Variants in ODAD2 observed in about 807,000 individuals in gnomAD.
ODAD2 encodes outer dynein arm-docking complex subunit 2.
In ODAD2, 89 loss-of-function variants were observed where a neutral mutation model predicts 106.8. The ratio of observed to expected loss-of-function variants is 0.83; its 90% CI spans 0.70 to 0.99. The LOEUF (loss-of-function observed/expected upper bound fraction) is 0.99. ODAD2 is among the 50% of genes least tolerant of loss of function. The pLI is 0.00. For missense variants in ODAD2, 1,168 were observed against 1,238.5 expected (o/e 0.94, Z 0.85); for synonymous variants, 404 against 436.2 (o/e 0.93, Z 0.92).
chr10:27,917,466 G>T (rs1049134133), intron 16 of ODAD2, among the ~76,000 whole-genome samples: 4 of 151,712 alleles, frequency 2.6e-5, no homozygotes, highest in African/African-American at 9.7e-5. Flanking sequence ...TAAGAAGCTA[G>T]AAAAAGAAGC....
chr10:27,969,574 G>A (rs7921313), intron 8 of ODAD2, among the ~76,000 whole-genome samples: 11,891 of 151,814 alleles, frequency 0.078, 201 homozygotes, highest in Admixed American at 0.12. Flanking sequence ...AGCCACAAAA[G>A]TCAAACACCC....
chr10:27,822,646 T>G (rs1836702778), intron 19 of ODAD2, among the ~76,000 whole-genome samples: 1 of 152,210 alleles, frequency 6.6e-6, no homozygotes, highest in African/African-American at 2.4e-5. Flanking sequence ...GCCTCGGTAA[T>G]TCATTTCACA....
chr10:27,941,076 T>G (rs755427212), intron 12 of ODAD2, among the ~76,000 whole-genome samples: 2 of 152,108 alleles, frequency 1.3e-5, no homozygotes, highest in Non-Finnish European at 2.9e-5. Context: ...GGCTCTAATA[T>G]TTACATCAAT....
intron 17 of ODAD2, among the ~76,000 whole-genome samples, chr10:27,891,390 T>G (rs1019725500): frequency 4.0e-5 from 6 of 151,310 alleles, no homozygotes; most frequent in African/African-American, 1.5e-4. Flanking sequence ...TTTTTTTTTT[T>G]CCTTCAAGAT....
chr10:27,933,517 G>C (rs1290480562), intron 16 of ODAD2, among the ~76,000 whole-genome samples: 1 of 152,156 alleles, frequency 6.6e-6, no homozygotes, highest in Non-Finnish European at 1.5e-5. Context: ...GCGGAGACTA[G>C]AGGTGATGCC....
chr10:27,934,587 T>C (rs927219741), intron 16 of ODAD2, among the ~76,000 whole-genome samples: 1 of 152,068 alleles, frequency 6.6e-6, no homozygotes, highest in African/African-American at 2.4e-5. Context: ...TTCTTGTCTC[T>C]TCCCCTCATC....
intron 9 of ODAD2, among the ~76,000 whole-genome samples, chr10:27,964,274 G>C (rs1358969498): frequency 2.6e-5 from 4 of 152,182 alleles, no homozygotes; most frequent in African/African-American, 9.7e-5. Context: ...AAGTGGCTGT[G>C]CTAAAACACA....
intron 16 of ODAD2, among the ~76,000 whole-genome samples, chr10:27,927,304 T>C (rs188608299): frequency 8.3e-4 from 126 of 152,250 alleles, no homozygotes; most frequent in African/African-American, 2.8e-3. Context: ...GTTTTTACCA[T>C]AGCCACAGCC....
At chr10:27,993,262 C>T (rs1226055962) in intron 2 of ODAD2, among the ~76,000 whole-genome samples, 1 of 152,120 alleles carries the variant, frequency 6.6e-6, no homozygotes, top group African/African-American at 2.4e-5. Flanking sequence ...GATCATATTT[C>T]AAAGCTTAGG....
In ODAD2 at chr10:27,885,696, A is replaced by ATATAT. The variant is rs1554800276; in HGVS notation, c.2610+21962_2610+21966dup. ...AAATATATATAATATATAATATATAATATATATAAAATATATATTATATAT... is the reference window on the plus strand; with the variant it reads ...AAATATATATAATATATAATATATAATATATTATATATAAAATATATATTATATAT... On this transcript the variant is annotated intron_variant, in intron 17 of 19. Transcript: ENST00000305242. 1.8e-4 allele frequency among the ~76,000 whole-genome samples: 8 copies of ATATAT among 44,478 alleles called. 1 individual carries two copies. The highest frequency in any genetic ancestry group is 8.9e-4 in the Admixed American group (2 of 2,250). The allele number at this position is 44,478 out of a possible 152,430, so 29.2% of individuals were successfully genotyped here.
Position 27,968,973 on chromosome 10 carries a change from T to C in ODAD2, c.1188A>G (p.Lys396=). 1 of 662,610 alleles carries C rather than the reference T, an allele frequency of 1.5e-6. No homozygotes were observed. The highest frequency in any genetic ancestry group is 2.8e-5 in the Admixed American group (1 of 36,162). The allele number at this position is 662,610 out of a possible 1,614,324, so 41.0% of individuals were successfully genotyped here. A position where few individuals can be genotyped will look rare whatever the true frequency, so the allele number is the denominator to read the frequency against. ...KEIQEDKHTG[K]LEKPRPSVSH... ...AAACAGATGGTCTTGGTTTTTCAAG[T>C]TTTCCTGTGTGTTTGTCCTCTTGGA... Residue 396 remains lysine (K), a synonymous_variant, in exon 9 of 20, where the codon AAA becomes AAG. Coordinates refer to ENST00000305242, the MANE Select transcript of ODAD2 (RefSeq NM_018076.5).
intron 17 of ODAD2, among the ~76,000 whole-genome samples, chr10:27,864,409 GA>G (rs998440262): frequency 8.6e-5 from 12 of 140,056 alleles, no homozygotes; most frequent in Middle Eastern, 3.6e-3. Flanking sequence ...TTGGAGCTTA[GA>G]AAAAAAAAAC....
At chr10:27,993,137 A>T (rs1296694935) in intron 2 of ODAD2, among the ~76,000 whole-genome samples, 1 of 150,876 alleles carries the variant, frequency 6.6e-6, no homozygotes, top group Non-Finnish European at 1.5e-5. Context: ...CTGGTCTTGA[A>T]CTCCTGATCT....
chr10:27,951,271 T>C lies in ODAD2; in HGVS notation c.1387-6309A>G, dbSNP rs1847308663. Among the ~76,000 whole-genome samples the C allele has an allele frequency of 2.0e-5, 3 of 152,318 alleles. No individual in the cohort carries two copies. The South Asian group carries it at 6.2e-4, about 32-fold the overall frequency. On this transcript the variant is annotated intron_variant, in intron 10 of 19. Coordinates refer to ENST00000305242, the MANE Select transcript of ODAD2 (RefSeq NM_018076.5). The stretch of plus-strand genomic sequence containing the variant: ...TTTTGTTAACATGATTTTCAACTCA[T>C]TCTAAAGATGATCTAGAATGAAAAA...
intron 19 of ODAD2, among the ~76,000 whole-genome samples, chr10:27,851,737 A>G (rs1330109182): frequency 6.6e-6 from 1 of 152,224 alleles, no homozygotes; most frequent in African/African-American, 2.4e-5. Flanking sequence ...GACAGTAAAA[A>G]GAGAACAGGA....
intron 19 of ODAD2, among the ~76,000 whole-genome samples, chr10:27,830,516 G>GA (rs1383998389): frequency 6.6e-6 from 1 of 152,178 alleles, no homozygotes; most frequent in Non-Finnish European, 1.5e-5. Context: ...AGAGAAGAGA[G>GA]TTTTTCAGCC....
intron 19 of ODAD2, among the ~76,000 whole-genome samples, chr10:27,829,129 C>T (rs1453976482): frequency 6.6e-6 from 1 of 152,048 alleles, no homozygotes; most frequent in Non-Finnish European, 1.5e-5. Flanking sequence ...GAAACAAAAT[C>T]CTTTTGTTAA....
At chr10:27,857,765 C>T (rs1395724016) in intron 19 of ODAD2, among the ~76,000 whole-genome samples, 4 of 152,206 alleles carry the variant, frequency 2.6e-5, no homozygotes, top group Admixed American at 1.3e-4. Flanking sequence ...AGGAAATTGT[C>T]TAACAAAGCA....
intron 16 of ODAD2, among the ~76,000 whole-genome samples, chr10:27,929,814 T>C (rs1426676460): frequency 6.6e-6 from 1 of 152,210 alleles, no homozygotes; most frequent in Non-Finnish European, 1.5e-5. Context: ...TTTGCCTGGA[T>C]GTACTTATTT....
Sources: gnomAD v4.1 joint callset for allele counts (sites outside exome capture counted in the v4.1 genomes callset) on GRCh38, gnomAD v4.1.1 for gene constraint, MANE v1.5 for transcripts, NCBI Gene and HGNC (gene_info 2026-07-23, HGNC 2026-07-21) for gene names.